ERCC3: variants seen among roughly 807,000 people sequenced by gnomAD.
ERCC3 encodes the protein ERCC excision repair 3, TFIIH core complex helicase subunit.
ERCC3 carries 66 observed loss-of-function variants against 94.2 expected under a neutral mutation model. That is an observed-to-expected ratio of 0.70 (90% CI 0.57 to 0.86). The LOEUF (loss-of-function observed/expected upper bound fraction) is 0.86, where lower values mean the gene tolerates loss of function less well. Among genes scored for constraint, ERCC3 ranks in the 40% least tolerant of loss-of-function variants. The pLI is 0.00. For missense variants in ERCC3, 829 were observed against 987.1 expected (o/e 0.84, Z 2.15); for synonymous variants, 349 against 369.1 (o/e 0.95, Z 0.63).
In ERCC3 at chr2:127,259,990, T is replaced by C. The variant is rs759978384; in HGVS notation, c.2065-542A>G. ...GGTGGAGACTGGGTTTTCATTTCTATGGGGATAACTTACTACAAGGGCTCC... is the reference window on the plus strand; with the variant it reads ...GGTGGAGACTGGGTTTTCATTTCTACGGGGATAACTTACTACAAGGGCTCC... On this transcript the variant is annotated intron_variant, in intron 13 of 14. Coordinates refer to ENST00000285398, the MANE Select transcript of ERCC3 (RefSeq NM_000122.2). This position sits in a 1 kb window ranked among gnomAD's most constrained non-coding sequence, Gnocchi z 4.9. 21 of 173,620 alleles carry C rather than the reference T, an allele frequency of 1.2e-4. No homozygotes were observed. The highest frequency in any genetic ancestry group is 1.3e-4 in the Non-Finnish European group (10 of 79,692). The allele number at this position is 173,620 out of a possible 1,614,324, so 10.8% of individuals were successfully genotyped here.
At position 127,294,115 on chromosome 2, in the gene ERCC3, C is replaced by T. The variant is rs369345469; in HGVS notation, c.-34G>A. 113 of 1,602,294 alleles carry T rather than the reference C, an allele frequency of 7.1e-5. No homozygotes were observed. The highest frequency in any genetic ancestry group is 8.8e-5 in the Non-Finnish European group (104 of 1,178,128). The stretch of plus-strand genomic sequence containing the variant: ...CAGCAGCAGAGAGAAGATGACCCCG[C>T]TCCCACAGGCCCGCCGCGGCATCCG... On this transcript the variant is annotated 5_prime_UTR_variant, in exon 1 of 15. Coordinates refer to ENST00000285398, the MANE Select transcript of ERCC3 (RefSeq NM_000122.2).
chr2:127,259,574 A>G lies in ERCC3; in HGVS notation c.2065-126T>C. 8.3e-7 allele frequency: 1 copy of G among 1,207,308 alleles called. No homozygotes were observed. The highest frequency in any genetic ancestry group is 1.2e-6 in the Non-Finnish European group (1 of 821,814). The allele number at this position is 1,207,308 out of a possible 1,614,324, so 74.8% of individuals were successfully genotyped here. A position where few individuals can be genotyped will look rare whatever the true frequency, so the allele number is the denominator to read the frequency against. ...AGGCCCAGCCACCCTGGTGGCCAAC[A>G]ATGGAGAGCTCCTCCCTAGCATTCC... On this transcript the variant is annotated intron_variant, in intron 13 of 14. Coordinates refer to ENST00000285398, the MANE Select transcript of ERCC3 (RefSeq NM_000122.2). The surrounding 1 kb of genome is among the most constrained non-coding windows in gnomAD (Gnocchi z 4.9).
chr2:127,271,599 G>C lies in ERCC3; in HGVS notation c.1828-146C>G, dbSNP rs763312132. 7.3e-6 allele frequency: 5 copies of C among 686,548 alleles called. No homozygotes were observed. Among genetic ancestry groups the C allele is most frequent in the Non-Finnish European group, 1.3e-5 (5 of 389,110 alleles). 42.5% of individuals were successfully genotyped at this position (686,548 alleles called of 1,614,324 possible). ...CCAGGGTCTATCTGATGCAGGCAGA[G>C]AGAGGTGAAGCAATAAACCTCAGAA... On this transcript the variant is annotated intron_variant, in intron 11 of 14. Coordinates refer to ENST00000285398, the MANE Select transcript of ERCC3 (RefSeq NM_000122.2). This position sits in a 1 kb window ranked among gnomAD's most constrained non-coding sequence, Gnocchi z 5.0.
Position 127,258,869 on chromosome 2 carries a change from T to C in ERCC3, c.2217+427A>G, listed in dbSNP as rs1036521811. On this transcript the variant is annotated intron_variant, in intron 14 of 14. Transcript: ENST00000285398. The surrounding 1 kb of genome is among the most constrained non-coding windows in gnomAD (Gnocchi z 4.1). ...TGATCCTCAGAGCAGTCTTAGGGGCTAGAGGGCTCAGCTTTATCACTGAGG... is the reference window on the plus strand; with the variant it reads ...TGATCCTCAGAGCAGTCTTAGGGGCCAGAGGGCTCAGCTTTATCACTGAGG... Among the ~76,000 whole-genome samples the C allele has an allele frequency of 6.6e-6, 1 of 152,184 alleles. No homozygotes were observed. Among genetic ancestry groups the C allele is most frequent in the East Asian group, 1.9e-4 (1 of 5,194 alleles).
At position 127,292,414 on chromosome 2, in the gene ERCC3, C is replaced by T. The variant is rs1685302472; in HGVS notation, c.471+196G>A. 6 of 658,714 alleles carry T rather than the reference C, an allele frequency of 9.1e-6. No homozygotes were observed. The East Asian group carries it at 1.6e-4, about 18-fold the overall frequency. The allele number at this position is 658,714 out of a possible 1,614,324, so 40.8% of individuals were successfully genotyped here. A position where few individuals can be genotyped will look rare whatever the true frequency, so the allele number is the denominator to read the frequency against. The stretch of plus-strand genomic sequence containing the variant: ...ATGCTGGATCCAGAGTGTAGCGGCT[C>T]ATGAGAAGCATGGCCTCACCCAGAA... On this transcript the variant is annotated intron_variant, in intron 3 of 14. Coordinates refer to ENST00000285398, the MANE Select transcript of ERCC3 (RefSeq NM_000122.2).
Position 127,291,625 on chromosome 2 carries a change from T to C in ERCC3, c.471+985A>G, listed in dbSNP as rs1685273150. 6.6e-6 allele frequency among the ~76,000 whole-genome samples: 1 copy of C among 152,184 alleles called. No homozygotes were observed. Among genetic ancestry groups the C allele is most frequent in the Admixed American group, 6.5e-5 (1 of 15,286 alleles). On this transcript the variant is annotated intron_variant, in intron 3 of 14. Coordinates refer to ENST00000285398, the MANE Select transcript of ERCC3 (RefSeq NM_000122.2). The surrounding 1 kb of genome is among the most constrained non-coding windows in gnomAD (Gnocchi z 4.9). ...AGGACTCCTGCAGCTTCTCTGGGAC[T>C]GGCTGCAGTACCATACTGAATTCCT...
Position 127,284,258 on chromosome 2 carries a change from T to C in ERCC3, c.1342+2445A>G, listed in dbSNP as rs4150436. On this transcript the variant is annotated intron_variant, in intron 8 of 14. Coordinates refer to ENST00000285398, the MANE Select transcript of ERCC3 (RefSeq NM_000122.2). The surrounding 1 kb of genome is among the most constrained non-coding windows in gnomAD (Gnocchi z 4.1). ...TACAGTGTAAAGTCAACTCATGTCA[T>C]GCTCTGCTCAAATCCCTCAGATGGC... 0.026 allele frequency: 3,960 copies of C among 152,372 alleles called. 67 individuals are homozygous for C. Among genetic ancestry groups the C allele is most frequent in the African/African-American group, 0.031 (1,277 of 41,574 alleles). 9.4% of individuals were successfully genotyped at this position (152,372 alleles called of 1,614,324 possible). A position where few individuals can be genotyped will look rare whatever the true frequency, so the allele number is the denominator to read the frequency against.
chr2:127,289,461 GA>G lies in ERCC3; in HGVS notation c.697del (p.Ser233ProfsTer3). On this transcript the variant is annotated frameshift_variant, in exon 6 of 15. Transcript: ENST00000285398. LOFTEE classifies it high-confidence loss of function. Reference sequence around the variant, plus strand: ...TTTACCCTGTGGATCTGTCACTCGGGAAGTGGAGGGCCCACCACTGCTTTCA... The same window carrying G: ...TTTACCCTGTGGATCTGTCACTCGGGAGTGGAGGGCCCACCACTGCTTTCA... ...TAESSGGPST[S>X]RVTDPQGKSD... is the part of the protein sequence containing the mutation. 1 of 1,612,932 alleles carries G rather than the reference GA, an allele frequency of 6.2e-7. No homozygotes were observed. The highest frequency in any genetic ancestry group is 8.5e-7 in the Non-Finnish European group (1 of 1,180,032).
chr2:127,258,278 C>T lies in ERCC3; in HGVS notation c.2218-551G>A, dbSNP rs1684082052. Among the ~76,000 whole-genome samples, 1 of 152,138 alleles carries T rather than the reference C, an allele frequency of 6.6e-6. No homozygotes were observed. The highest frequency in any genetic ancestry group is 6.5e-5 in the Admixed American group (1 of 15,274). ...TTAGGGCAAAAGTTCCTTAAAATCT[C>T]CTGAGACACCACCATAAGGCTTTGA... On this transcript the variant is annotated intron_variant, in intron 14 of 14. Coordinates refer to ENST00000285398, the MANE Select transcript of ERCC3 (RefSeq NM_000122.2). This position sits in a 1 kb window ranked among gnomAD's most constrained non-coding sequence, Gnocchi z 4.1.
Position 127,293,505 on chromosome 2 carries a change from ATGCTTAC to A in ERCC3, c.234+1_234+7del. On this transcript the variant is annotated splice_donor_variant and splice_donor_5th_base_variant and intron_variant, in intron 2 of 14. Transcript: ENST00000285398. LOFTEE classifies it high-confidence loss of function. ...CCTGGGCCCTGCCCAAGCTAAGGGC[ATGCTTAC>A]CACCCAGAGGGGCCTGGAGGTGTGG... is the stretch of plus-strand genomic sequence containing the variant. 6.2e-7 allele frequency: 1 copy of A among 1,613,764 alleles called. No individual in the cohort carries two copies. The highest frequency in any genetic ancestry group is 8.5e-7 in the Non-Finnish European group (1 of 1,179,780).
rs1431272955 is a variant in ERCC3, at chr2:127,293,729, C to A, written c.29-11G>T. 1.2e-6 allele frequency: 2 copies of A among 1,610,166 alleles called. No homozygotes were observed. Among genetic ancestry groups the A allele is most frequent in the Non-Finnish European group, 1.7e-6 (2 of 1,179,994 alleles). On this transcript the variant is annotated splice_polypyrimidine_tract_variant and intron_variant, in intron 1 of 14. Transcript: ENST00000285398. The stretch of plus-strand genomic sequence containing the variant: ...TGGATTTCTTCTTGTCTGCAAGATA[C>A]CAACACAGAAGTAAGCCCAGCAGGA...
In ERCC3 at chr2:127,270,276, T is replaced by C. The variant is rs7606809; in HGVS notation, c.1945+1060A>G. Among the ~76,000 whole-genome samples, 353 of 152,078 alleles carry C rather than the reference T, an allele frequency of 2.3e-3. 1 individual carries two copies. The highest frequency in any genetic ancestry group is 7.7e-3 in the African/African-American group (320 of 41,480). On this transcript the variant is annotated intron_variant, in intron 12 of 14. Transcript: ENST00000285398. ...CTGGGCTCAAGCTATCCTCCTGCCT[T>C]GGCCTCCCAAAGTGCTGGGATTATA...
intron 12 of ERCC3, among the ~76,000 whole-genome samples, chr2:127,263,086 A>G (rs1490871745): frequency 1.3e-5 from 2 of 152,146 alleles, no homozygotes; most frequent in Admixed American, 1.3e-4. Flanking sequence ...TTGAAGTTGG[A>G]TACTGTGAGG....
chr2:127,280,780 G>C lies in ERCC3; in HGVS notation c.1343-149C>G, dbSNP rs56015969. ...GGCCTCAAGCAATCCCCCTGCCTTC[G>C]CCTCCCAAAGTGCTGGGATTACAGA... On this transcript the variant is annotated intron_variant, in intron 8 of 14. Coordinates refer to ENST00000285398, the MANE Select transcript of ERCC3 (RefSeq NM_000122.2). This position sits in a 1 kb window ranked among gnomAD's most constrained non-coding sequence, Gnocchi z 6.3. The C allele has an allele frequency of 2.5e-5, 18 of 721,106 alleles. No homozygotes were observed. Among genetic ancestry groups the C allele is most frequent in the Non-Finnish European group, 4.2e-5 (18 of 423,590 alleles). The allele number at this position is 721,106 out of a possible 1,614,324, so 44.7% of individuals were successfully genotyped here.
In ERCC3 at chr2:127,257,365, C is replaced by G. The variant is rs1316351214; in HGVS notation, c.*231G>C. ...CTTAAATATTAACATTTTTTATATA[C>G]AGAAATGACCCCACTCCCCAAAAAG... On this transcript the variant is annotated 3_prime_UTR_variant, in exon 15 of 15. Transcript: ENST00000285398. This position sits in a 1 kb window ranked among gnomAD's most constrained non-coding sequence, Gnocchi z 5.4. The G allele has an allele frequency of 6.9e-6, 4 of 583,636 alleles. No homozygotes were observed. The allele number at this position is 583,636 out of a possible 1,614,324, so 36.2% of individuals were successfully genotyped here. A position where few individuals can be genotyped will look rare whatever the true frequency, so the allele number is the denominator to read the frequency against.
intron 3 of ERCC3, chr2:127,292,331 G>A (rs920768099): frequency 5.7e-6 from 3 of 524,020 alleles, no homozygotes; most frequent in African/African-American, 3.8e-5. Context: ...TAGCCCCTCT[G>A]TGTTAATACC....
intron 8 of ERCC3, among the ~76,000 whole-genome samples, chr2:127,282,935 C>A (rs759961537): frequency 6.6e-5 from 10 of 152,058 alleles, no homozygotes; most frequent in Non-Finnish European, 1.3e-4. Flanking sequence ...AAAACATGAA[C>A]GTGTACCAAA....
Position 127,279,670 on chromosome 2 carries a change from G to A in ERCC3, c.1528-295C>T, listed in dbSNP as rs139670052. Among the ~76,000 whole-genome samples the A allele has an allele frequency of 2.3e-4, 35 of 152,190 alleles. 1 individual carries two copies. In the East Asian group the frequency reaches 6.4e-3, roughly 28 times the overall value. ...CCAGCTACGCAGGAGGCTAAGGCAGGAGAATCACTTGCCCAGGAGGCGGAG... is the reference window on the plus strand; with the variant it reads ...CCAGCTACGCAGGAGGCTAAGGCAGAAGAATCACTTGCCCAGGAGGCGGAG... On this transcript the variant is annotated intron_variant, in intron 9 of 14. Transcript: ENST00000285398. This position sits in a 1 kb window ranked among gnomAD's most constrained non-coding sequence, Gnocchi z 4.7.
intron 8 of ERCC3, among the ~76,000 whole-genome samples, chr2:127,286,403 C>A (rs1351811015): frequency 6.6e-6 from 1 of 152,074 alleles, no homozygotes; most frequent in Non-Finnish European, 1.5e-5. Flanking sequence ...CAAAAATTAG[C>A]CTAGCATGGT....
Sources: gnomAD v4.1 joint callset for allele counts (sites outside exome capture counted in the v4.1 genomes callset) on GRCh38, gnomAD v4.1.1 for gene constraint, Gnocchi (gnomAD v3.1) non-coding constraint, MANE v1.5 for transcripts, NCBI Gene and HGNC (gene_info 2026-07-23, HGNC 2026-07-21) for gene names.